Variants in MLIP observed in about 807,000 individuals in gnomAD.
MLIP encodes the protein muscular LMNA-interacting protein.
In MLIP, 79 loss-of-function variants were observed where a neutral mutation model predicts 84.8. The ratio of observed to expected loss-of-function variants is 0.93; its 90% confidence interval spans 0.78 to 1.12. The LOEUF (loss-of-function observed/expected upper bound fraction) is 1.12, where lower values mean the gene tolerates loss of function less well. MLIP is among the 50% of genes most tolerant of loss of function. The pLI is 0.00. For synonymous variants in MLIP, 504 were observed against 463.0 expected, an observed-to-expected ratio of 1.09 and a Z score of -1.14; for missense variants, 1,257 against 1,160.6, an observed-to-expected ratio of 1.08 and a Z score of -1.21.
At chr6:54,251,041 C>T (rs575810235) in intron 12 of MLIP, among the ~76,000 whole-genome samples, 1 of 152,122 alleles carries the variant, frequency 6.6e-6, no homozygotes, top group Admixed American at 6.6e-5. Context: ...ATATCCTTAA[C>T]ATCTAGCCAA....
At chr6:54,068,013 C>CTCCT (rs138001276) in intron 1 of MLIP, among the ~76,000 whole-genome samples, 6,465 of 73,586 alleles carry the variant, frequency 0.088, 1,026 homozygotes, top group African/African-American at 0.18. Context: ...TTCATGTCAG[C>CTCCT]TCCTTCCTTC....
chr6:54,255,201 T>C (rs967300916), intron 12 of MLIP, among the ~76,000 whole-genome samples: 9 of 152,180 alleles, frequency 5.9e-5, no homozygotes, highest in Non-Finnish European at 1.3e-4. Context: ...TATTGCCACC[T>C]CATACTTGCT....
At chr6:54,228,213 A>AAAG (rs1562082666) in intron 11 of MLIP, among the ~76,000 whole-genome samples, 24 of 116,650 alleles carry the variant, frequency 2.1e-4, no homozygotes, top group East Asian at 7.5e-4. Context: ...AAAAAAAAAA[A>AAAG]AGAGAAAGAA....
intron 11 of MLIP, 109 bp from the exon 12 acceptor site, chr6:54,230,605 T>A: frequency 1.1e-6 from 1 of 918,578 alleles, no homozygotes; most frequent in African/African-American, 1.6e-5. Context: ...GGAGAGGTTG[T>A]CTTCTTACTG....
At chr6:54,153,851 C>CAA (rs3996974) in intron 5 of MLIP, among the ~76,000 whole-genome samples, 9,711 of 117,702 alleles carry the variant, frequency 0.083, 1,035 homozygotes, top group African/African-American at 0.24. Context: ...GACTCAGTCT[C>CAA]AAAAAAAAAA....
At chr6:54,135,502 C>G (rs1215618579) in intron 3 of MLIP, among the ~76,000 whole-genome samples, 1 of 152,006 alleles carries the variant, frequency 6.6e-6, no homozygotes, top group Non-Finnish European at 1.5e-5. Context: ...TGCATTAGGT[C>G]TGATGGAAAT....
At chr6:54,101,653 A>G (rs1768658082) in intron 1 of MLIP, among the ~76,000 whole-genome samples, 1 of 152,162 alleles carries the variant, frequency 6.6e-6, no homozygotes, top group South Asian at 2.1e-4. Context: ...TACCTTGGAT[A>G]TTTTGGAAGA....
chr6:54,171,557 T>A (rs1459629332), intron 9 of MLIP, among the ~76,000 whole-genome samples: 3 of 151,608 alleles, frequency 2.0e-5, no homozygotes, highest in Admixed American at 6.6e-5. Flanking sequence ...CTGTAGTTAT[T>A]ACAATTTACT....
At chr6:54,176,053 C>T (rs1776252910) in intron 9 of MLIP, among the ~76,000 whole-genome samples, 1 of 151,896 alleles carries the variant, frequency 6.6e-6, no homozygotes, top group East Asian at 1.9e-4. Flanking sequence ...TATGTTAAAC[C>T]ATCATTGCAT....
intron 4 of MLIP, among the ~76,000 whole-genome samples, chr6:54,141,200 T>A (rs1464058790): frequency 6.6e-6 from 1 of 152,134 alleles, no homozygotes; most frequent in East Asian, 1.9e-4. Context: ...CTGCTTGCAT[T>A]TGTGTGATAT....
At position 54,040,589 on chromosome 6, in the gene MLIP, C is replaced by T. The variant is rs921750831; in HGVS notation, c.63+21498C>T. On this transcript the variant is annotated intron_variant, in intron 1 of 12. Coordinates refer to the MLIP transcript ENST00000274897. Reference sequence around the variant, plus strand: ...TTTAAATGCAAAGGAAAATAGATTGCTCTACCAAAAAGACATATGCACTCA... The same window carrying T: ...TTTAAATGCAAAGGAAAATAGATTGTTCTACCAAAAAGACATATGCACTCA... Among the ~76,000 whole-genome samples, 7 of 152,072 alleles carry T rather than the reference C, an allele frequency of 4.6e-5. No homozygotes were observed. The South Asian group carries it at 1.5e-3, about 32-fold the overall frequency.
chr6:54,173,632 G>A (rs997238957), intron 9 of MLIP, among the ~76,000 whole-genome samples: 1 of 151,674 alleles, frequency 6.6e-6, no homozygotes, highest in African/African-American at 2.4e-5. Context: ...TGGGGTACAT[G>A]AGATATTTTG....
At chr6:54,223,105 GT>G (rs1273386163) in intron 11 of MLIP, among the ~76,000 whole-genome samples, 6 of 151,532 alleles carry the variant, frequency 4.0e-5, no homozygotes, top group African/African-American at 1.2e-4. Context: ...GTTGTATGAG[GT>G]TTTTTTCAAA....
intron 9 of MLIP, among the ~76,000 whole-genome samples, chr6:54,181,101 T>A (rs551382878): frequency 1.2e-4 from 18 of 152,284 alleles, no homozygotes; most frequent in African/African-American, 4.3e-4. Flanking sequence ...CTGTGGCAAG[T>A]TCCCCCAGGC....
rs921599832 is a variant in MLIP, at chr6:54,216,019, G to A, written c.2718+13786G>A. ...TGGCAGGATTTCTTTCTTTTTTAAG[G>A]CTGAATAATATTTCATTGTTTAACA... is the stretch of plus-strand genomic sequence containing the variant. On this transcript the variant is annotated intron_variant, in intron 11 of 13. Coordinates refer to ENST00000502396, the MANE Select transcript of MLIP (RefSeq NM_001281747.2). 6 of 359,702 alleles carry A rather than the reference G, an allele frequency of 1.7e-5. 1 individual carries two copies. The highest frequency in any genetic ancestry group is 1.3e-4 in the African/African-American group (6 of 45,136). The allele number at this position is 359,702 out of a possible 1,614,324, so 22.3% of individuals were successfully genotyped here.
intron 11 of MLIP, among the ~76,000 whole-genome samples, chr6:54,214,464 G>A (rs1298143): frequency 0.77 from 117,004 of 152,120 alleles, 47,547 homozygotes; most frequent in East Asian, 0.97. Context: ...CAGTGGTCAT[G>A]GGGACCTTGC....
chr6:54,190,962 A>G (rs1777862962), intron 10 of MLIP, among the ~76,000 whole-genome samples: 1 of 151,604 alleles, frequency 6.6e-6, no homozygotes, highest in African/African-American at 2.4e-5. Flanking sequence ...AGCCCGGCTA[A>G]TTTTTTGTAT....
intron 11 of MLIP, among the ~76,000 whole-genome samples, chr6:54,214,391 C>T (rs1779704320): frequency 6.6e-6 from 1 of 152,292 alleles, no homozygotes; most frequent in East Asian, 1.9e-4. Flanking sequence ...TCTTATTCCC[C>T]AGATTTATCA....
chr6:54,067,670 T>G (rs878995707), intron 1 of MLIP, among the ~76,000 whole-genome samples: 3 of 101,132 alleles, frequency 3.0e-5, no homozygotes, highest in Admixed American at 2.7e-4. Context: ...GAAGCGCTCA[T>G]AGCCTGAAGT....
Sources: gnomAD v4.1 joint callset for allele counts (sites outside exome capture counted in the v4.1 genomes callset) on GRCh38, gnomAD v4.1.1 for gene constraint, MANE v1.5 for transcripts, NCBI Gene and HGNC (gene_info 2026-07-23, HGNC 2026-07-21) for gene names.